The following GATA4 variants were observed in gnomAD, a reference collection of about 807,000 sequenced individuals.
GATA4 encodes GATA binding protein 4.
In GATA4, 7 loss-of-function variants were observed where a neutral mutation model predicts 37.9. The ratio of observed to expected loss-of-function variants is 0.18; its 90% confidence interval spans 0.11 to 0.35. The LOEUF is 0.35. GATA4 is among the 10% of genes least tolerant of loss of function. The pLI is 1.00. For missense variants in GATA4, 647 were observed against 653.0 expected (o/e 0.99, Z 0.10); for synonymous variants, 372 against 292.6 (o/e 1.27, Z -2.77).
chr8:11,686,496 A>T (rs1799138426), intron 1 of GATA4, among the ~76,000 whole-genome samples: 1 of 152,166 alleles, frequency 6.6e-6, no homozygotes. Context: ...CAAATCACAG[A>T]ATTTTCTGAA....
At chr8:11,678,347 C>G (rs146324910) in intron 1 of GATA4, among the ~76,000 whole-genome samples, 2 of 152,248 alleles carry the variant, frequency 1.3e-5, no homozygotes, top group East Asian at 3.9e-4. Context: ...CTTTGACTAT[C>G]TTTCCATCTC....
intron 1 of GATA4, chr8:11,680,517 A>G (rs952500291): frequency 6.1e-6 from 6 of 985,278 alleles, no homozygotes; most frequent in Admixed American, 6.1e-5. Context: ...GGGCCAGGTC[A>G]CCTCGGACGG....
chr8:11,727,749 G>T (rs1801004959), intron 2 of GATA4, among the ~76,000 whole-genome samples: 1 of 151,886 alleles, frequency 6.6e-6, no homozygotes, highest in Non-Finnish European at 1.5e-5. Context: ...GCTGCGGTGG[G>T]ACGATCACTT....
chr8:11,750,498 A>T (rs1179234036), intron 4 of GATA4, among the ~76,000 whole-genome samples: 1 of 152,232 alleles, frequency 6.6e-6, no homozygotes, highest in Non-Finnish European at 1.5e-5. Flanking sequence ...TTCAGTGGAT[A>T]AGAAGCTTAA....
rs989796729 is a variant in GATA4, at chr8:11,746,350, A to G, written c.617-2566A>G. On this transcript the variant is annotated intron_variant, in intron 2 of 6. Coordinates refer to ENST00000532059, the MANE Select transcript of GATA4 (RefSeq NM_001308093.3). ...GCACCACTACACTCCGGCTTGGGTG[A>G]GAGTGAACCCGGTCTCTAAAGAGCA... Among the ~76,000 whole-genome samples the G allele has an allele frequency of 4.6e-5, 7 of 152,294 alleles. No individual in the cohort carries two copies. In the East Asian group the frequency reaches 1.3e-3, roughly 29 times the overall value.
chr8:11,727,959 TAGTA>T (rs973574926), intron 2 of GATA4, among the ~76,000 whole-genome samples: 3 of 152,246 alleles, frequency 2.0e-5, no homozygotes, highest in African/African-American at 7.2e-5. Flanking sequence ...ACTCGGCATG[TAGTA>T]AGTGTCTATA....
chr8:11,699,905 T>G (rs1258900129), upstream of GATA4, among the ~76,000 whole-genome samples: 1 of 152,260 alleles, frequency 6.6e-6, no homozygotes, highest in East Asian at 1.9e-4. Context: ...CAGAACAATT[T>G]TTAAAAGACA....
chr8:11,719,790 A>G (rs1018650505), intron 2 of GATA4, among the ~76,000 whole-genome samples: 1 of 152,242 alleles, frequency 6.6e-6, no homozygotes, highest in African/African-American at 2.4e-5. Flanking sequence ...TGCCATTTTT[A>G]AATAAAGCAG....
chr8:11,689,627 T>C (rs748645571), upstream of GATA4, among the ~76,000 whole-genome samples: 8 of 152,194 alleles, frequency 5.3e-5, no homozygotes, highest in Non-Finnish European at 1.0e-4. Flanking sequence ...AAGTAGTGCA[T>C]GGAATGACTG....
In GATA4 at chr8:11,708,680, C is replaced by G; in HGVS notation, c.368C>G (p.Ala123Gly). 6.2e-6 allele frequency: 8 copies of G among 1,281,208 alleles called. No homozygotes were observed. The highest frequency in any genetic ancestry group is 6.9e-6 in the Non-Finnish European group (7 of 1,018,382). 79.4% of individuals were successfully genotyped at this position (1,281,208 alleles called of 1,614,324 possible). A position where few individuals can be genotyped will look rare whatever the true frequency, so the allele number is the denominator to read the frequency against. ...GGGTCCCTGGCGGCCGCCGCCGCCG[C>G]TGCCGCGGCCCGGGAAGCTGCGGCC... ...TTGSLAAAAA[A>G]AAAREAAAYS... Residue 123 changes from alanine (A) to glycine (G), a missense_variant, in exon 2 of 7, where the codon GCT becomes GGT. Around this residue, in one of 5 missense-constraint regions of GATA4, gnomAD observed 379 missense variants for 334.5 expected, o/e 1.13. Transcript: ENST00000532059. The surrounding 1 kb of genome is among the most constrained non-coding windows in gnomAD (Gnocchi z 6.7).
intron 2 of GATA4, among the ~76,000 whole-genome samples, chr8:11,713,053 T>C (rs1800269994): frequency 8.6e-6 from 1 of 116,900 alleles, no homozygotes; most frequent in South Asian, 3.5e-4. Context: ...AAGAGAACAC[T>C]TTTTTTTTTC....
chr8:11,691,679 C>T (rs1403777620), upstream of GATA4, among the ~76,000 whole-genome samples: 2 of 152,150 alleles, frequency 1.3e-5, no homozygotes, highest in African/African-American at 2.4e-5. Context: ...GATTAGAATC[C>T]GGGAATCCTG....
chr8:11,759,682 C>G lies in GATA4; in HGVS notation c.*1207C>G, dbSNP rs556537569. The G allele has an allele frequency of 6.6e-6, 1 of 152,458 alleles. No individual in the cohort carries two copies. The highest frequency in any genetic ancestry group is 1.9e-4 in the East Asian group (1 of 5,196). The allele number at this position is 152,458 out of a possible 1,614,324, so 9.4% of individuals were successfully genotyped here. On this transcript the variant is annotated 3_prime_UTR_variant, in exon 7 of 7. Transcript: ENST00000532059. ...GACTCTGAGCTGCTCCGGGATCTGC[C>G]GCGTTCTCCTCTGCACATTGCTGTT... is the stretch of plus-strand genomic sequence containing the variant.
chr8:11,684,365 AAAT>A (rs1318158785), intron 1 of GATA4, among the ~76,000 whole-genome samples: 1 of 152,248 alleles, frequency 6.6e-6, no homozygotes, highest in Non-Finnish European at 1.5e-5. Context: ...CATAGTCTAA[AAAT>A]AAGGTGCAGG....
At chr8:11,698,123 C>A in intron 1 of GATA4, 1 of 531,900 alleles carries the variant, frequency 1.9e-6, no homozygotes, top group Non-Finnish European at 2.4e-6. Context: ...TGGCCTCTCT[C>A]TGCGTCGCCA....
chr8:11,694,471 C>T lies in GATA4; in HGVS notation c.-729+1811C>T, dbSNP rs1799441855. On this transcript the variant is annotated intron_variant, in intron 1 of 2. Transcript: ENST00000526974. ...AGAACATTGCGCTGCCACCAGCTCTCCGAGCCGTGGACTGCATCCTCATCA... is the reference window on the plus strand; with the variant it reads ...AGAACATTGCGCTGCCACCAGCTCTTCGAGCCGTGGACTGCATCCTCATCA... The T allele has an allele frequency of 6.1e-6, 6 of 985,238 alleles. No individual in the cohort carries two copies. The South Asian group carries it at 2.8e-4, about 46-fold the overall frequency. The allele number at this position is 985,238 out of a possible 1,614,324, so 61.0% of individuals were successfully genotyped here. A position where few individuals can be genotyped will look rare whatever the true frequency, so the allele number is the denominator to read the frequency against.
chr8:11,747,419 G>C (rs993099399), intron 2 of GATA4, among the ~76,000 whole-genome samples: 7 of 152,200 alleles, frequency 4.6e-5, no homozygotes, highest in African/African-American at 1.7e-4. Context: ...GCAGACCCCG[G>C]CAGCCTTGTG....
intron 2 of GATA4, among the ~76,000 whole-genome samples, chr8:11,720,790 A>C (rs1326171549): frequency 6.9e-6 from 1 of 145,426 alleles, no homozygotes; most frequent in Non-Finnish European, 1.5e-5. Context: ...TTTTTTTTTT[A>C]TACGGCTGCA....
At chr8:11,725,857 G>A (rs915201447) in intron 2 of GATA4, among the ~76,000 whole-genome samples, 1 of 152,218 alleles carries the variant, frequency 6.6e-6, no homozygotes, top group Non-Finnish European at 1.5e-5. Context: ...AGGGGCCTGG[G>A]CCCGGGGGGT....
Sources: allele counts gnomAD v4.1 joint callset (sites outside exome capture counted in the v4.1 genomes callset), GRCh38; gene constraint gnomAD v4.1.1; regional missense constraint gnomAD v4.1.1; non-coding constraint Gnocchi (gnomAD v3.1); transcripts MANE v1.5; gene names NCBI Gene and HGNC (gene_info 2026-07-23, HGNC 2026-07-21).